Variants in ANO10 observed in about 807,000 individuals in gnomAD.
ANO10 encodes anoctamin-10.
A neutral mutation model predicts 74.7 loss-of-function variants in ANO10; 77 were observed. The ratio of observed to expected loss-of-function variants is 1.03; its 90% CI spans 0.86 to 1.25. The LOEUF is 1.25. Ranked by LOEUF, ANO10 falls within the 50% of genes most tolerant of loss-of-function variation. The pLI is 0.00. For synonymous variants in ANO10, 279 were observed against 284.9 expected (o/e 0.98, Z 0.21); for missense variants, 721 against 778.1 (o/e 0.93, Z 0.87).
At chr3:43,622,257 A>G (rs996211042), upstream of ANO10, among the ~76,000 whole-genome samples, 5 of 152,148 alleles carry the variant, frequency 3.3e-5, no homozygotes, top group African/African-American at 7.2e-5. Flanking sequence ...ACAGGAGACC[A>G]GGCCGGGAGA....
rs373542696 is a variant in ANO10 at position 43,552,938 on chromosome 3, C to A, written c.1668+2340G>T. Among the ~76,000 whole-genome samples, 216 of 151,788 alleles carry A rather than the reference C, an allele frequency of 1.4e-3. 7 individuals are homozygous for A. The South Asian group carries it at 0.043, about 30-fold the overall frequency. ...CCTCTCAAGTAGCTGGGATTATGGG[C>A]ACCCACAACCACACCCAGCTAATTT... On this transcript the variant is annotated intron_variant, in intron 10 of 12. Transcript: ENST00000292246.
rs2092425570 is a variant in ANO10, at chr3:43,398,699, G to A, written c.1915-31725C>T. On this transcript the variant is annotated intron_variant, in intron 12 of 12. Transcript: ENST00000292246. ...TACTAATTTGATCTTCAATACAGTT[G>A]AGTGTGGGCATTGGAATCAAGCCAC... Among the ~76,000 whole-genome samples, 3 of 152,228 alleles carry A rather than the reference G, an allele frequency of 2.0e-5. No individual in the cohort carries two copies. In the South Asian group the frequency reaches 6.2e-4, roughly 31 times the overall value.
At chr3:43,640,513 G>T (rs924476458) in intron 1 of ANO10, among the ~76,000 whole-genome samples, 1 of 152,102 alleles carries the variant, frequency 6.6e-6, no homozygotes, top group African/African-American at 2.4e-5. Context: ...CAGGAATCAT[G>T]CAAACTGGAA....
At chr3:43,566,322 G>A (rs1432188118) in intron 7 of ANO10, among the ~76,000 whole-genome samples, 1 of 152,268 alleles carries the variant, frequency 6.6e-6, no homozygotes, top group Non-Finnish European at 1.5e-5. Flanking sequence ...CTCGAACTGG[G>A]TGGAGCCCAC....
At chr3:43,562,367 G>C (rs2080081686) in intron 8 of ANO10, among the ~76,000 whole-genome samples, 1 of 151,262 alleles carries the variant, frequency 6.6e-6, no homozygotes, top group African/African-American at 2.4e-5. Flanking sequence ...CAGGAGAATG[G>C]CGTGAACCCA....
At chr3:43,638,034 A>C (rs1304425277) in intron 1 of ANO10, among the ~76,000 whole-genome samples, 1 of 152,238 alleles carries the variant, frequency 6.6e-6, no homozygotes, top group Admixed American at 6.5e-5. Context: ...AGCAGATTAA[A>C]TTGAGATACG....
chr3:43,585,982 C>T (rs1257114989), intron 4 of ANO10, among the ~76,000 whole-genome samples: 1 of 152,120 alleles, frequency 6.6e-6, no homozygotes, highest in African/African-American at 2.4e-5. Context: ...AAAAAACAAA[C>T]TAAAATTCCA....
intron 12 of ANO10, among the ~76,000 whole-genome samples, chr3:43,407,907 C>A (rs2092604041): frequency 6.6e-6 from 1 of 152,170 alleles, no homozygotes; most frequent in African/African-American, 2.4e-5. Flanking sequence ...CAAGCACAGC[C>A]ACATGGAGGG....
intron 11 of ANO10, among the ~76,000 whole-genome samples, chr3:43,544,590 C>A (rs543275383): frequency 5.9e-5 from 9 of 152,018 alleles, no homozygotes; most frequent in South Asian, 2.1e-4. Flanking sequence ...GTCAGGAGTT[C>A]GAGATCAGCC....
intron 1 of ANO10, among the ~76,000 whole-genome samples, chr3:43,661,161 T>C (rs1019510784): frequency 1.3e-5 from 2 of 152,240 alleles, no homozygotes; most frequent in South Asian, 2.1e-4. Flanking sequence ...GAGAGAAAGA[T>C]TGGGTTACCC....
chr3:43,593,891 G>T (rs993078633), intron 4 of ANO10, among the ~76,000 whole-genome samples: 4 of 152,128 alleles, frequency 2.6e-5, no homozygotes, highest in African/African-American at 7.2e-5. Flanking sequence ...ACACACATAG[G>T]CTCAAAATAA....
At chr3:43,555,941 C>T (rs928225562) in intron 9 of ANO10, among the ~76,000 whole-genome samples, 1 of 152,134 alleles carries the variant, frequency 6.6e-6, no homozygotes, top group Non-Finnish European at 1.5e-5. Context: ...TATGAACCAC[C>T]GATTCTGAGT....
At chr3:43,630,699 G>T (rs2083537102) in intron 1 of ANO10, among the ~76,000 whole-genome samples, 1 of 152,120 alleles carries the variant, frequency 6.6e-6, no homozygotes, top group East Asian at 1.9e-4. Context: ...TGCTCAAAAC[G>T]TTATTTTCTC....
intron 12 of ANO10, among the ~76,000 whole-genome samples, chr3:43,417,081 T>A (rs1391967763): frequency 2.0e-5 from 3 of 152,182 alleles, no homozygotes; most frequent in African/African-American, 7.2e-5. Flanking sequence ...CTTAGGCAGA[T>A]AGGGTACAGA....
At chr3:43,556,784 A>G (rs1485594053) in intron 9 of ANO10, among the ~76,000 whole-genome samples, 1 of 152,228 alleles carries the variant, frequency 6.6e-6, no homozygotes, top group African/African-American at 2.4e-5. Context: ...AATGGTGAGA[A>G]GATAAAAAAA....
At chr3:43,434,703 G>C (rs1011036186) in intron 11 of ANO10, among the ~76,000 whole-genome samples, 1 of 152,180 alleles carries the variant, frequency 6.6e-6, no homozygotes, top group African/African-American at 2.4e-5. Context: ...TAAGGCATCT[G>C]GAAGGTGTAA....
At chr3:43,682,462 C>G (rs2084214523) in intron 1 of ANO10, among the ~76,000 whole-genome samples, 1 of 152,144 alleles carries the variant, frequency 6.6e-6, no homozygotes, top group Non-Finnish European at 1.5e-5. Context: ...AAAAAAAGTT[C>G]AGGACCAGAT....
At chr3:43,588,422 T>A (rs1421163899) in intron 4 of ANO10, among the ~76,000 whole-genome samples, 2 of 152,052 alleles carry the variant, frequency 1.3e-5, no homozygotes, top group African/African-American at 4.8e-5. Context: ...AAAGATGGCA[T>A]AGCCTATATA....
At chr3:43,562,046 C>A (rs1179239778) in intron 8 of ANO10, among the ~76,000 whole-genome samples, 1 of 152,094 alleles carries the variant, frequency 6.6e-6, no homozygotes, top group Non-Finnish European at 1.5e-5. Context: ...CACATATTTA[C>A]AGTCAACTGA....
Sources: gnomAD v4.1 joint callset for allele counts (sites outside exome capture counted in the v4.1 genomes callset) on GRCh38, gnomAD v4.1.1 for gene constraint, MANE v1.5 for transcripts, NCBI Gene and HGNC (gene_info 2026-07-23, HGNC 2026-07-21) for gene names.